MDN1: variants seen among roughly 807,000 people sequenced by gnomAD.
MDN1 encodes midasin AAA ATPase 1.
MDN1 carries 266 observed loss-of-function variants against 669.2 expected under a neutral mutation model. That is an observed-to-expected ratio of 0.40 (90% confidence interval 0.36 to 0.44). MDN1 has a LOEUF of 0.44. MDN1 is among the 20% of genes least tolerant of loss of function. The pLI is 1.00. For missense variants in MDN1, 5,940 were observed against 6,754.0 expected, an observed-to-expected ratio of 0.88 and a Z score of 4.22; for synonymous variants, 2,385 against 2,457.1, an observed-to-expected ratio of 0.97 and a Z score of 0.87.
At chr6:89,815,488 G>A (rs1043004209) in intron 1 of MDN1, 15 of 307,274 alleles carry the variant, frequency 4.9e-5, no homozygotes, top group Admixed American at 1.3e-4. Context: ...GCTCCCAGGA[G>A]TCATCAGTAC....
chr6:89,711,526 A>G (rs1378516743), intron 49 of MDN1, among the ~76,000 whole-genome samples: 1 of 152,078 alleles, frequency 6.6e-6, no homozygotes, highest in East Asian at 1.9e-4. Flanking sequence ...AAGGGGCCTT[A>G]GCGTCCACGT....
intron 7 of MDN1, among the ~76,000 whole-genome samples, chr6:89,788,407 A>G (rs759529755): frequency 6.6e-6 from 1 of 152,234 alleles, no homozygotes; most frequent in Non-Finnish European, 1.5e-5. Context: ...AAGAAGAATG[A>G]GCAGAAATTA....
At chr6:89,818,748 G>A (rs1769027939) in intron 1 of MDN1, among the ~76,000 whole-genome samples, 1 of 151,540 alleles carries the variant, frequency 6.6e-6, no homozygotes, top group Non-Finnish European at 1.5e-5. Context: ...GGCGGAGGGT[G>A]CAGTAAGCCG....
At chr6:89,659,305 C>CA (rs1374176860) in intron 88 of MDN1, among the ~76,000 whole-genome samples, 1 of 152,202 alleles carries the variant, frequency 6.6e-6, no homozygotes, top group East Asian at 1.9e-4. Flanking sequence ...CCCAGGAGGT[C>CA]AAGGCTACAG....
At chr6:89,707,919 G>A (rs938469167) in intron 51 of MDN1, among the ~76,000 whole-genome samples, 1 of 152,186 alleles carries the variant, frequency 6.6e-6, no homozygotes, top group Non-Finnish European at 1.5e-5. Flanking sequence ...TCCAACATTT[G>A]AGGACAGGAA....
chr6:89,652,897 A>C lies in MDN1; in HGVS notation c.15825+95T>G. 3.1e-6 allele frequency: 4 copies of C among 1,307,116 alleles called. No individual in the cohort carries two copies. The South Asian group carries it at 5.9e-5, about 19-fold the overall frequency. 81.0% of individuals were successfully genotyped at this position (1,307,116 alleles called of 1,614,324 possible). A position where few individuals can be genotyped will look rare whatever the true frequency, so the allele number is the denominator to read the frequency against. ...ACCCCTCAACAACCAGATGTTCCAT[A>C]AAGTTCTAAAGACAAAGATTTAAAA... On this transcript the variant is annotated intron_variant, in intron 94 of 101. Transcript: ENST00000369393.
chr6:89,787,148 A>G (rs1464458261), intron 8 of MDN1, among the ~76,000 whole-genome samples: 2 of 152,040 alleles, frequency 1.3e-5, no homozygotes, highest in African/African-American at 4.8e-5. Flanking sequence ...TCCACACTCC[A>G]TGCAGAAGTC....
rs1813841105 is a variant in MDN1 at position 89,710,725 on chromosome 6, C to T, written c.7721G>A (p.Gly2574Asp). The change falls in exon 50 of 102, where the codon GGT (glycine) becomes GAT (aspartate). Residue 2574 changes from glycine (G) to aspartate (D), a missense_variant. Gly to Asp is a moderately conservative substitution (Grantham distance 94, BLOSUM62 -1). Coordinates refer to ENST00000369393, the MANE Select transcript of MDN1 (RefSeq NM_014611.3). ...LRNFYSHSLS[G>D]AVSNVFKILQ... ...TATTTTGAAAACATTACTGACTGCA[C>T]CTGAGAGGGAATGTGAGTAAAAATT... is the stretch of plus-strand genomic sequence containing the variant. The T allele has an allele frequency of 4.4e-6, 7 of 1,601,178 alleles. No individual in the cohort carries two copies. The highest frequency in any genetic ancestry group is 1.4e-5 in the African/African-American group (1 of 74,008).
At chr6:89,679,915 C>T (rs1346537995) in intron 74 of MDN1, among the ~76,000 whole-genome samples, 1 of 152,210 alleles carries the variant, frequency 6.6e-6, no homozygotes, top group African/African-American at 2.4e-5. Flanking sequence ...ACCCCCACCC[C>T]TAGGCCTGAG....
Position 89,672,575 on chromosome 6 carries a change from A to C in MDN1, c.13602T>G (p.Thr4534=). 1 of 1,613,982 alleles carries C rather than the reference A, an allele frequency of 6.2e-7. No homozygotes were observed. Among genetic ancestry groups the C allele is most frequent in the Non-Finnish European group, 8.5e-7 (1 of 1,179,960 alleles). The change falls in exon 81 of 102, where the codon ACT becomes ACG. Residue 4534 remains threonine (T), a synonymous_variant. Coordinates refer to ENST00000369393, the MANE Select transcript of MDN1 (RefSeq NM_014611.3). ...AATCTTCTTGTGGGCTTGCTTGGTC[A>C]GTGTTCTCCTCTGCTTTTTCATTCT... The part of the protein sequence containing the change: ...ERKNEKAEEN[T]DQASPQEDYA...
intron 21 of MDN1, 54 bp downstream of exon 21, chr6:89,754,029 T>C: frequency 1.3e-6 from 2 of 1,561,638 alleles, no homozygotes; most frequent in Non-Finnish European, 1.7e-6. Context: ...ATTCCTTCCT[T>C]CCCATGAACC....
intron 8 of MDN1, among the ~76,000 whole-genome samples, chr6:89,786,997 T>C (rs981120451): frequency 1.3e-5 from 2 of 150,602 alleles, no homozygotes; most frequent in African/African-American, 4.9e-5. Context: ...TCTCAGCTAC[T>C]TGGGAGGCTG....
chr6:89,754,587 A>G lies in MDN1; in HGVS notation c.2817-357T>C, dbSNP rs148757871. On this transcript the variant is annotated intron_variant, in intron 20 of 101. Coordinates refer to ENST00000369393, the MANE Select transcript of MDN1 (RefSeq NM_014611.3). ...TCCTATGCAATCAAAAATGGGGATG[A>G]ACAAAGACATGGCAAACAACGCATG... Among the ~76,000 whole-genome samples the G allele has an allele frequency of 3.0e-3, 450 of 152,370 alleles. 4 individuals carry two copies. Among genetic ancestry groups the G allele is most frequent in the African/African-American group, 9.6e-3 (401 of 41,584 alleles).
intron 85 of MDN1, among the ~76,000 whole-genome samples, chr6:89,664,094 CAT>C (rs905380867): frequency 2.0e-5 from 3 of 152,174 alleles, no homozygotes; most frequent in African/African-American, 4.8e-5. Context: ...TTCTTTTCTA[CAT>C]GTTTGTTCCA....
At position 89,756,337 on chromosome 6, in the gene MDN1, A is replaced by T; in HGVS notation, c.2756T>A (p.Leu919His). Reference sequence around the variant, plus strand: ...CAATCCTTTCAGATAATCTACAATAAGAACCTGTAAGTCTTCTTTGCTTTC... The same window carrying T: ...CAATCCTTTCAGATAATCTACAATATGAACCTGTAAGTCTTCTTTGCTTTC... ...ELESKEDLQV[L>H]IVDYLKGLSV... The change falls in exon 20 of 102, where the codon CTT (leucine) becomes CAT (histidine). Residue 919 changes from leucine to histidine, a missense_variant. Transcript: ENST00000369393. 1.2e-6 allele frequency: 2 copies of T among 1,604,274 alleles called. No individual in the cohort carries two copies. Among genetic ancestry groups the T allele is most frequent in the South Asian group, 2.2e-5 (2 of 89,108 alleles).
intron 44 of MDN1, among the ~76,000 whole-genome samples, chr6:89,716,442 T>G (rs756545648): frequency 6.6e-6 from 1 of 152,250 alleles, no homozygotes; most frequent in Non-Finnish European, 1.5e-5. Context: ...GGCTGAAAAT[T>G]ATCATACAGA....
chr6:89,784,780 T>C (rs560603769), intron 9 of MDN1, among the ~76,000 whole-genome samples: 1 of 152,216 alleles, frequency 6.6e-6, no homozygotes, highest in Non-Finnish European at 1.5e-5. Context: ...AATAATGTTA[T>C]TGTGGTTATA....
Position 89,712,775 on chromosome 6 carries a change from A to G in MDN1, c.7230T>C (p.Ala2410=), listed in dbSNP as rs765592907. Residue 2410 remains alanine, a synonymous_variant, in exon 48 of 102, where the codon GCT becomes GCC. Coordinates refer to ENST00000369393, the MANE Select transcript of MDN1 (RefSeq NM_014611.3). ...HSPANRKLVQ[A]LLEKHVSSLR... is the part of the protein sequence containing the mutation. ...AAGAAGAAACATGTTTCTCCAGTAAAGCCTGTACAAGCTGGTAGGAGACAA... is the reference window on the plus strand; with the variant it reads ...AAGAAGAAACATGTTTCTCCAGTAAGGCCTGTACAAGCTGGTAGGAGACAA... 2 of 1,614,148 alleles carry G rather than the reference A, an allele frequency of 1.2e-6. No homozygotes were observed. Among genetic ancestry groups the G allele is most frequent in the South Asian group, 2.2e-5 (2 of 91,078 alleles).
chr6:89,656,606 A>C, intron 91 of MDN1, 94 bp downstream of exon 91: 2 of 904,082 alleles, frequency 2.2e-6, no homozygotes, highest in Non-Finnish European at 3.4e-6. Context: ...AACCAGGAGT[A>C]TAGCTTTTTT....
Sources: gnomAD v4.1 joint callset for allele counts (sites outside exome capture counted in the v4.1 genomes callset) on GRCh38, gnomAD v4.1.1 for gene constraint, MANE v1.5 for transcripts, NCBI Gene and HGNC (gene_info 2026-07-23, HGNC 2026-07-21) for gene names.